The following CREB5 variants were observed in gnomAD, a reference collection of about 807,000 sequenced individuals.
CREB5 encodes cAMP responsive element binding protein 5, also known as cyclic AMP-responsive element-binding protein 5.
A neutral mutation model predicts 57.1 loss-of-function variants in CREB5; 19 were observed. The ratio of observed to expected loss-of-function variants is 0.33; its 90% CI spans 0.23 to 0.49. CREB5 has a LOEUF of 0.49. Ranked by LOEUF, CREB5 falls within the 20% of genes least tolerant of loss-of-function variation. The pLI, the probability that CREB5 is intolerant of heterozygous loss-of-function variation, is 0.99. For missense variants in CREB5, 579 were observed against 671.6 expected (o/e 0.86, Z 1.52); for synonymous variants, 238 against 238.3 (o/e 1.00, Z 0.01).
intron 4 of CREB5, among the ~76,000 whole-genome samples, chr7:28,556,455 A>G (rs1199476640): frequency 1.3e-5 from 2 of 151,790 alleles, no homozygotes; most frequent in African/African-American, 4.8e-5. Flanking sequence ...TCTGCCGTCT[A>G]TTGTTTTTTT....
In CREB5 at chr7:28,415,263, G is replaced by A. The variant is rs544436334; in HGVS notation, c.3+2346G>A. 2.6e-5 allele frequency among the ~76,000 whole-genome samples: 4 copies of A among 152,218 alleles called. No homozygotes were observed. The South Asian group carries it at 8.3e-4, about 32-fold the overall frequency. ...ACACGGATGGTAGGGCTAGGGGAGG[G>A]CCTCGGATTGATAGACCAATTTTTC... On this transcript the variant is annotated intron_variant, in intron 1 of 10. Coordinates refer to ENST00000357727, the MANE Select transcript of CREB5 (RefSeq NM_182898.4).
rs1272766062 is a variant in CREB5 at position 28,741,929 on chromosome 7, G to A, written c.702+17597G>A. On this transcript the variant is annotated intron_variant, in intron 7 of 10. Transcript: ENST00000357727. ...AAAAATACAAAAATTAGCCAGGCGTGGTGGTGTGCGCCTGTAGTCCCAGCT... is the reference window on the plus strand; with the variant it reads ...AAAAATACAAAAATTAGCCAGGCGTAGTGGTGTGCGCCTGTAGTCCCAGCT... Among the ~76,000 whole-genome samples, 4 of 152,010 alleles carry A rather than the reference G, an allele frequency of 2.6e-5. No individual in the cohort carries two copies. The East Asian group carries it at 7.8e-4, about 30-fold the overall frequency.
chr7:28,362,049 A>G (rs1786497154), intron 1 of CREB5, among the ~76,000 whole-genome samples: 1 of 152,234 alleles, frequency 6.6e-6, no homozygotes, highest in Non-Finnish European at 1.5e-5. Flanking sequence ...TTTGGCTAAT[A>G]GAATTGGGCA....
chr7:28,550,992 C>T (rs1562790500), intron 4 of CREB5, among the ~76,000 whole-genome samples: 1 of 152,252 alleles, frequency 6.6e-6, no homozygotes, highest in East Asian at 1.9e-4. Context: ...GGGGTAATTA[C>T]TTTCTGAATA....
chr7:28,388,444 A>T (rs1787153486), intron 1 of CREB5, among the ~76,000 whole-genome samples: 1 of 152,176 alleles, frequency 6.6e-6, no homozygotes, highest in South Asian at 2.1e-4. Context: ...GGTTATCAAG[A>T]TTGGCAGATG....
chr7:28,776,901 T>C (rs992881718), intron 7 of CREB5, among the ~76,000 whole-genome samples: 1 of 152,250 alleles, frequency 6.6e-6, no homozygotes, highest in Admixed American at 6.5e-5. Flanking sequence ...TGTTGAATAA[T>C]ATTCCATTGT....
At chr7:28,310,362 T>G (rs1467437970) in intron 1 of CREB5, among the ~76,000 whole-genome samples, 1 of 152,230 alleles carries the variant, frequency 6.6e-6, no homozygotes, top group Non-Finnish European at 1.5e-5. Flanking sequence ...AGCAACATTC[T>G]TATGCTTGTC....
chr7:28,551,171 G>GA (rs5883148), intron 4 of CREB5, among the ~76,000 whole-genome samples: 53 of 149,500 alleles, frequency 3.5e-4, no homozygotes, highest in African/African-American at 7.4e-4. Context: ...CTTGGGATAG[G>GA]AAAAAAAAAA....
chr7:28,614,069 C>T (rs1033641590), intron 5 of CREB5, among the ~76,000 whole-genome samples: 3 of 152,202 alleles, frequency 2.0e-5, no homozygotes, highest in African/African-American at 7.2e-5. Flanking sequence ...AAGAGATCCT[C>T]TCACCTCAGC....
At chr7:28,585,637 T>C (rs950987981) in intron 5 of CREB5, among the ~76,000 whole-genome samples, 2 of 152,140 alleles carry the variant, frequency 1.3e-5, no homozygotes, top group African/African-American at 4.8e-5. Context: ...TGGCTCTGAG[T>C]GATTTAAAGG....
intron 5 of CREB5, among the ~76,000 whole-genome samples, chr7:28,602,353 C>G (rs1389550790): frequency 6.6e-6 from 1 of 152,124 alleles, no homozygotes; most frequent in East Asian, 1.9e-4. Flanking sequence ...TCTCAAACTC[C>G]TGACCTCAGG....
rs1439278614 is a variant in CREB5 at position 28,632,706 on chromosome 7, AGT to A, written c.464+62172_464+62173del. 2.0e-4 allele frequency among the ~76,000 whole-genome samples: 31 copies of A among 152,322 alleles called. 1 individual carries two copies. The highest frequency in any genetic ancestry group is 7.2e-4 in the African/African-American group (30 of 41,580). On this transcript the variant is annotated intron_variant, in intron 5 of 10. Coordinates refer to ENST00000357727, the MANE Select transcript of CREB5 (RefSeq NM_182898.4). ...GAGATGTAGTTAAGGTCTCAGCTCC[AGT>A]GTCGCCAAGGGAGGATTTTCTGTCC... is the stretch of plus-strand genomic sequence containing the variant.
At chr7:28,355,248 C>G (rs549966736) in intron 1 of CREB5, among the ~76,000 whole-genome samples, 9 of 152,184 alleles carry the variant, frequency 5.9e-5, no homozygotes, top group African/African-American at 2.2e-4. Context: ...GGGATGAAAG[C>G]GTGCATGTGC....
intron 5 of CREB5, among the ~76,000 whole-genome samples, chr7:28,688,905 G>T (rs1267742127): frequency 1.3e-5 from 2 of 152,012 alleles, no homozygotes; most frequent in Non-Finnish European, 2.9e-5. Context: ...GCTCCGAATT[G>T]TTCACTCATA....
At chr7:28,636,906 C>A (rs1798443428) in intron 5 of CREB5, among the ~76,000 whole-genome samples, 1 of 152,114 alleles carries the variant, frequency 6.6e-6, no homozygotes, top group Non-Finnish European at 1.5e-5. Flanking sequence ...CTGTACCCAG[C>A]AATTTGGGAG....
At chr7:28,800,455 GGGCTT>G (rs1164225179) in intron 7 of CREB5, among the ~76,000 whole-genome samples, 1 of 152,230 alleles carries the variant, frequency 6.6e-6, no homozygotes, top group Non-Finnish European at 1.5e-5. Flanking sequence ...GCCATATTAA[GGGCTT>G]GGACCTTCAT....
intron 1 of CREB5, among the ~76,000 whole-genome samples, chr7:28,460,805 G>A (rs747099230): frequency 3.9e-5 from 6 of 152,096 alleles, no homozygotes; most frequent in Non-Finnish European, 8.8e-5. Flanking sequence ...GTTGTCGGGG[G>A]AAGAGAGAGG....
intron 1 of CREB5, among the ~76,000 whole-genome samples, chr7:28,472,166 AC>A (rs1175284653): frequency 4.2e-5 from 1 of 23,946 alleles, no homozygotes. Flanking sequence ...AAAAAAAAAA[AC>A]ATAGTAATGA....
intron 1 of CREB5, among the ~76,000 whole-genome samples, chr7:28,330,401 C>CTTTTTTTTTTTTTTTTTTT (rs10699932): frequency 1.9e-4 from 17 of 88,532 alleles, no homozygotes; most frequent in African/African-American, 7.3e-4. Flanking sequence ...GAGAACCTTA[C>CTTTTTTTTTTTTTTTTTTT]TTTTTTTTTT....
Sources: gnomAD v4.1 joint callset for allele counts (sites outside exome capture counted in the v4.1 genomes callset) on GRCh38, gnomAD v4.1.1 for gene constraint, MANE v1.5 for transcripts, NCBI Gene and HGNC (gene_info 2026-07-23, HGNC 2026-07-21) for gene names.